Variants in PRKG2 observed in about 807,000 individuals in gnomAD.
The protein encoded by PRKG2 is cGMP-dependent protein kinase 2.
Under a neutral mutation model 97.2 loss-of-function variants are expected in PRKG2, and 33 were observed. That is an observed-to-expected ratio of 0.34 (90% CI 0.26 to 0.45). PRKG2 has a LOEUF of 0.45. Ranked by LOEUF, PRKG2 falls within the 20% of genes least tolerant of loss-of-function variation. PRKG2 has a pLI of 1.00. For missense variants in PRKG2, 638 were observed against 900.0 expected (o/e 0.71, Z 3.73); for synonymous variants, 330 against 321.8 (o/e 1.03, Z -0.27).
chr4:81,180,346 C>A (rs1751297633), intron 2 of PRKG2, among the ~76,000 whole-genome samples: 1 of 151,346 alleles, frequency 6.6e-6, no homozygotes. Context: ...GCTTGTCAGA[C>A]AAATGAAATA....
chr4:81,166,450 G>T (rs149385567), intron 6 of PRKG2, among the ~76,000 whole-genome samples: 2 of 151,954 alleles, frequency 1.3e-5, no homozygotes, highest in East Asian at 1.9e-4. Flanking sequence ...GTTAAAGAAC[G>T]TATTTGCTTT....
intron 16 of PRKG2, among the ~76,000 whole-genome samples, chr4:81,104,681 A>G (rs1314518469): frequency 6.6e-6 from 1 of 152,028 alleles, no homozygotes. Context: ...ATATGTGTGT[A>G]TAAGGTATGA....
chr4:81,096,961 G>C (rs1038783487), intron 17 of PRKG2, among the ~76,000 whole-genome samples: 1 of 152,172 alleles, frequency 6.6e-6, no homozygotes, highest in African/African-American at 2.4e-5. Flanking sequence ...CATTTAGAAT[G>C]GTGAATTCTT....
chr4:81,176,738 C>T (rs962386375), intron 2 of PRKG2, among the ~76,000 whole-genome samples: 6 of 152,178 alleles, frequency 3.9e-5, no homozygotes, highest in Admixed American at 3.9e-4. Flanking sequence ...TCTCTTTAAA[C>T]CAGTATTTCT....
At chr4:81,195,681 C>T (rs1333788397) in intron 2 of PRKG2, among the ~76,000 whole-genome samples, 1 of 152,196 alleles carries the variant, frequency 6.6e-6, no homozygotes, top group Non-Finnish European at 1.5e-5. Flanking sequence ...AAGCTTCATT[C>T]CTGCTGTAGT....
intron 14 of PRKG2, among the ~76,000 whole-genome samples, chr4:81,122,499 G>A (rs1457539648): frequency 2.0e-5 from 3 of 152,100 alleles, no homozygotes; most frequent in Admixed American, 6.5e-5. Context: ...AGTAGAATGA[G>A]GTCTTAATCC....
chr4:81,190,889 T>A (rs571842383), intron 2 of PRKG2, among the ~76,000 whole-genome samples: 1 of 152,158 alleles, frequency 6.6e-6, no homozygotes, highest in African/African-American at 2.4e-5. Flanking sequence ...TGAGATGCCA[T>A]CTCATGCCAG....
intron 2 of PRKG2, among the ~76,000 whole-genome samples, chr4:81,178,932 C>G (rs546509811): frequency 3.9e-5 from 6 of 152,040 alleles, no homozygotes; most frequent in African/African-American, 1.4e-4. Flanking sequence ...AGAGACCATC[C>G]TGGCCAATAT....
At chr4:81,188,586 C>G (rs1426897522) in intron 2 of PRKG2, among the ~76,000 whole-genome samples, 1 of 134,202 alleles carries the variant, frequency 7.5e-6, no homozygotes, top group South Asian at 2.3e-4. Context: ...ATGTTTATTG[C>G]GGCACTATTC....
At chr4:81,115,897 C>T (rs1399500118) in intron 14 of PRKG2, among the ~76,000 whole-genome samples, 1 of 152,166 alleles carries the variant, frequency 6.6e-6, no homozygotes, top group South Asian at 2.1e-4. Flanking sequence ...GCTCTAGATA[C>T]ATATTTCCGT....
intron 6 of PRKG2, among the ~76,000 whole-genome samples, chr4:81,158,165 G>T (rs1444001641): frequency 6.9e-6 from 1 of 145,472 alleles, no homozygotes; most frequent in Non-Finnish European, 1.5e-5. Context: ...CGATATGATT[G>T]TATATCTAGA....
At chr4:81,143,447 G>T (rs958007100) in intron 10 of PRKG2, among the ~76,000 whole-genome samples, 1 of 152,138 alleles carries the variant, frequency 6.6e-6, no homozygotes, top group Non-Finnish European at 1.5e-5. Flanking sequence ...TTGCATGGCT[G>T]AACCAAAATA....
intron 7 of PRKG2, 34 bp downstream of exon 7, chr4:81,153,610 C>A (rs1187228232): frequency 3.4e-6 from 5 of 1,486,448 alleles, no homozygotes; most frequent in South Asian, 2.3e-5. Context: ...TTAAAATAAT[C>A]TTTTTTATTT....
intron 6 of PRKG2, among the ~76,000 whole-genome samples, chr4:81,158,567 T>A (rs9762264): frequency 0.051 from 7,829 of 152,092 alleles, 714 homozygotes; most frequent in African/African-American, 0.18. Context: ...AAGCTACCAA[T>A]GACTTTCTTC....
chr4:81,151,198 A>G (rs11941243), intron 8 of PRKG2, among the ~76,000 whole-genome samples: 58,365 of 152,054 alleles, frequency 0.38, 17,184 homozygotes, highest in African/African-American at 0.81. Flanking sequence ...AATGCATTTA[A>G]TCATATGTAA....
At chr4:81,110,764 G>GAGAGAGAGAGAGAC (rs1553919021) in intron 14 of PRKG2, among the ~76,000 whole-genome samples, 153 bp from the exon 15 acceptor site, 4 of 146,326 alleles carry the variant, frequency 2.7e-5, no homozygotes, top group South Asian at 2.3e-4. Flanking sequence ...GAGAGAGAGA[G>GAGAGAGAGAGAGAC]AGACAGACAG....
chr4:81,204,048 G>A (rs1012703980), intron 2 of PRKG2, among the ~76,000 whole-genome samples: 6 of 151,982 alleles, frequency 3.9e-5, no homozygotes, highest in East Asian at 1.9e-4. Context: ...ACTGTTTACC[G>A]CCCCTGCTAG....
chr4:81,143,236 C>G (rs1747477801), intron 10 of PRKG2, among the ~76,000 whole-genome samples: 1 of 151,976 alleles, frequency 6.6e-6, no homozygotes, highest in Non-Finnish European at 1.5e-5. Flanking sequence ...TTAAAATGTA[C>G]CTCTTAGGTT....
In PRKG2 at chr4:81,116,985, CTTTTT is replaced by C. The variant is rs58361616; in HGVS notation, c.1777-6379_1777-6375del. ...AGGTTATCTATTTACCCTGTTGTTA[CTTTTT>C]TTTTTTTTTTTTTTTTTTTTGAGAC... is the stretch of plus-strand genomic sequence containing the variant. On this transcript the variant is annotated intron_variant, in intron 14 of 18. Transcript: ENST00000264399. Among the ~76,000 whole-genome samples the C allele has an allele frequency of 1.8e-4, 14 of 78,990 alleles. No individual in the cohort carries two copies. The East Asian group carries it at 2.8e-3, about 16-fold the overall frequency. The allele number at this position is 78,990 out of a possible 152,430, so 51.8% of individuals were successfully genotyped here.
Sources: gnomAD v4.1 joint callset for allele counts (sites outside exome capture counted in the v4.1 genomes callset) on GRCh38, gnomAD v4.1.1 for gene constraint, MANE v1.5 for transcripts, NCBI Gene and HGNC (gene_info 2026-07-23, HGNC 2026-07-21) for gene names.